Variants in CNTN4 observed in about 807,000 individuals in gnomAD.
The protein encoded by CNTN4 is contactin-4.
CNTN4 carries 77 observed loss-of-function variants against 122.5 expected under a neutral mutation model. The ratio of observed to expected loss-of-function variants is 0.63; its 90% confidence interval spans 0.52 to 0.76. CNTN4 has a LOEUF of 0.76. CNTN4 is among the 30% of genes least tolerant of loss of function. The pLI is 0.00. For missense variants in CNTN4, 1,256 were observed against 1,259.1 expected, an observed-to-expected ratio of 1.00 and a Z score of 0.04; for synonymous variants, 512 against 447.0, an observed-to-expected ratio of 1.15 and a Z score of -1.83.
At chr3:2,664,320 T>C (rs566059785) in intron 4 of CNTN4, among the ~76,000 whole-genome samples, 1 of 150,746 alleles carries the variant, frequency 6.6e-6, no homozygotes, top group South Asian at 2.1e-4. Flanking sequence ...TTTTCTTTTT[T>C]GGTCCAGAAT....
At chr3:2,249,785 A>G (rs1190043527) in intron 2 of CNTN4, among the ~76,000 whole-genome samples, 1 of 151,982 alleles carries the variant, frequency 6.6e-6, no homozygotes, top group Non-Finnish European at 1.5e-5. Flanking sequence ...TTTCAGTCCT[A>G]GTACCACAAT....
chr3:2,945,133 T>A (rs2874550), intron 13 of CNTN4, among the ~76,000 whole-genome samples: 11,255 of 152,166 alleles, frequency 0.074, 476 homozygotes, highest in Middle Eastern at 0.12. Flanking sequence ...GGTAGAATGC[T>A]TTGGCCTGAA....
intron 3 of CNTN4, among the ~76,000 whole-genome samples, chr3:2,349,755 A>G (rs142424614): frequency 8.2e-4 from 125 of 152,300 alleles, no homozygotes; most frequent in Admixed American, 2.2e-3. Context: ...TACCCAGTGG[A>G]GACATACCAA....
chr3:2,732,193 T>G (rs2088742491), intron 4 of CNTN4, among the ~76,000 whole-genome samples: 1 of 152,148 alleles, frequency 6.6e-6, no homozygotes. Flanking sequence ...GTTCTGTTCT[T>G]AGGAAATGGA....
intron 2 of CNTN4, among the ~76,000 whole-genome samples, chr3:2,320,028 A>G (rs62243964): frequency 0.12 from 18,863 of 152,212 alleles, 1,427 homozygotes; most frequent in Non-Finnish European, 0.17. Context: ...GACTTCTACA[A>G]TCTGTCAGAG....
rs189137772 is a variant in CNTN4 at position 2,285,233 on chromosome 3, C to G, written c.-144-53945C>G. Reference sequence around the variant, plus strand: ...ACTACAAGATGAGTAACAAATACATCCTTAAAAGCCCATTTAAGGAGTTCT... The same window carrying G: ...ACTACAAGATGAGTAACAAATACATGCTTAAAAGCCCATTTAAGGAGTTCT... On this transcript the variant is annotated intron_variant, in intron 2 of 24. Transcript: ENST00000418658. Among the ~76,000 whole-genome samples, 151 of 152,058 alleles carry G rather than the reference C, an allele frequency of 9.9e-4. 1 individual carries two copies. Among genetic ancestry groups the G allele is most frequent in the African/African-American group, 3.5e-3 (146 of 41,512 alleles).
intron 6 of CNTN4, among the ~76,000 whole-genome samples, chr3:2,817,153 T>C (rs141033046): frequency 6.6e-6 from 1 of 152,364 alleles, no homozygotes; most frequent in African/African-American, 2.4e-5. Context: ...GTGCGTTTGC[T>C]ATTAGAAACC....
chr3:2,287,702 A>AGAGGAAGAG (rs1304060107), intron 2 of CNTN4, among the ~76,000 whole-genome samples: 1 of 61,502 alleles, frequency 1.6e-5, no homozygotes, highest in Non-Finnish European at 3.3e-5. Flanking sequence ...AGGAAGAAGA[A>AGAGGAAGAG]GAAGAAGAGG....
chr3:3,055,713 T>C lies in CNTN4; in HGVS notation c.2981-407T>C, dbSNP rs1465807134. On this transcript the variant is annotated intron_variant, in intron 24 of 24. Transcript: ENST00000418658. ...CGCCATCTGTTAAGCGAGGTAATAATAATACCTGGCCTTCATCCAGTTTTT... is the reference window on the plus strand; with the variant it reads ...CGCCATCTGTTAAGCGAGGTAATAACAATACCTGGCCTTCATCCAGTTTTT... Among the ~76,000 whole-genome samples, 85 of 152,224 alleles carry C rather than the reference T, an allele frequency of 5.6e-4. 3 individuals are homozygous for C. Among genetic ancestry groups the C allele is most frequent in the Admixed American group, 5.6e-3 (85 of 15,280 alleles).
intron 2 of CNTN4, among the ~76,000 whole-genome samples, chr3:2,320,202 TGGG>T (rs2150204227): frequency 6.6e-6 from 1 of 152,194 alleles, no homozygotes; most frequent in East Asian, 1.9e-4. Context: ...GAATGAGAAG[TGGG>T]GGGATTTAAT....
intron 10 of CNTN4, among the ~76,000 whole-genome samples, chr3:2,891,055 C>A (rs2094033886): frequency 1.3e-5 from 2 of 152,190 alleles, no homozygotes; most frequent in African/African-American, 2.4e-5. Context: ...GGCTGCAAGA[C>A]AAAATCCCTG....
chr3:2,876,437 A>G (rs968941796), intron 8 of CNTN4, among the ~76,000 whole-genome samples: 3 of 120,958 alleles, frequency 2.5e-5, no homozygotes, highest in Non-Finnish European at 3.4e-5. Flanking sequence ...AAGAAAGTCA[A>G]TGTGGAACTT....
chr3:2,678,747 T>C (rs1308643803), intron 4 of CNTN4, among the ~76,000 whole-genome samples: 1 of 152,098 alleles, frequency 6.6e-6, no homozygotes, highest in African/African-American at 2.4e-5. Context: ...GCCCATGAGA[T>C]AGCAAGGAAA....
intron 8 of CNTN4, among the ~76,000 whole-genome samples, chr3:2,875,681 A>G (rs11709236): frequency 0.27 from 41,285 of 152,088 alleles, 5,718 homozygotes; most frequent in Middle Eastern, 0.37. Flanking sequence ...ACCCTTGACA[A>G]AATGATATCA....
chr3:2,577,629 C>A (rs576911211), intron 4 of CNTN4, among the ~76,000 whole-genome samples: 2 of 151,916 alleles, frequency 1.3e-5, no homozygotes, highest in Non-Finnish European at 2.9e-5. Flanking sequence ...ATATGTATGC[C>A]GATAGGGTTA....
At chr3:2,504,245 A>T (rs1012812122) in intron 3 of CNTN4, among the ~76,000 whole-genome samples, 3 of 152,162 alleles carry the variant, frequency 2.0e-5, no homozygotes, top group African/African-American at 7.2e-5. Context: ...TAAGAAGAAG[A>T]CTGATTTCCA....
chr3:2,216,018 C>T (rs899542181), intron 2 of CNTN4, among the ~76,000 whole-genome samples: 1 of 151,796 alleles, frequency 6.6e-6, no homozygotes, highest in Admixed American at 6.6e-5. Context: ...CCATTTGATC[C>T]AGCAATCCCA....
chr3:2,404,803 T>C (rs2150990207), intron 3 of CNTN4, among the ~76,000 whole-genome samples: 1 of 152,296 alleles, frequency 6.6e-6, no homozygotes, highest in Non-Finnish European at 1.5e-5. Context: ...TTTTTCTTTT[T>C]GCATTAAGCA....
chr3:2,665,189 A>T (rs905877649), intron 4 of CNTN4, among the ~76,000 whole-genome samples: 51 of 152,296 alleles, frequency 3.3e-4, no homozygotes, highest in African/African-American at 1.2e-3. Flanking sequence ...TGCAAATACT[A>T]ATTCAGATGG....
Sources: allele counts gnomAD v4.1 joint callset (sites outside exome capture counted in the v4.1 genomes callset), GRCh38; gene constraint gnomAD v4.1.1; transcripts MANE v1.5; gene names NCBI Gene and HGNC (gene_info 2026-07-23, HGNC 2026-07-21).